HTR3B: variants seen among roughly 807,000 people sequenced by gnomAD.
HTR3B encodes 5-hydroxytryptamine (serotonin) receptor 3B, ionotropic.
HTR3B carries 44 observed loss-of-function variants against 42.8 expected under a neutral mutation model. The observed-to-expected ratio is 1.03, with a 90% CI of 0.81 to 1.32. The LOEUF (loss-of-function observed/expected upper bound fraction) is 1.32, where lower values mean the gene tolerates loss of function less well. Among genes scored for constraint, HTR3B ranks in the 40% most tolerant of loss-of-function variants. The pLI is 0.00. For missense variants in HTR3B, 527 were observed against 536.5 expected (o/e 0.98, Z 0.17); for synonymous variants, 203 against 209.0 (o/e 0.97, Z 0.25).
upstream of HTR3B, among the ~76,000 whole-genome samples, chr11:113,900,712 C>T (rs141285869): frequency 6.7e-3 from 1,016 of 152,092 alleles, 12 homozygotes; most frequent in African/African-American, 0.024. Flanking sequence ...AGGCTGGTCT[C>T]GAACTCCTGA....
chr11:113,915,769 T>C (rs1949845595), intron 2 of HTR3B, among the ~76,000 whole-genome samples: 1 of 152,270 alleles, frequency 6.6e-6, no homozygotes, highest in African/African-American at 2.4e-5. Flanking sequence ...GTTATCATTT[T>C]GCATGTCACT....
the HTR3B span, among the ~76,000 whole-genome samples, chr11:113,899,113 A>C: frequency 6.6e-6 from 1 of 152,164 alleles, no homozygotes; most frequent in Non-Finnish European, 1.5e-5. Context: ...CTGGGACCTT[A>C]TATCTTATGC....
chr11:113,933,079 C>A lies in HTR3B; in HGVS notation c.682C>A (p.Gln228Lys), dbSNP rs775803211. ...ILQSSAGGFA[Q>K]IQFNVVMRRH... is the part of the protein sequence containing the mutation. ...GCAGAGCAGCGCTGGAGGATTTGCA[C>A]AGATTCAGTTTAATGTAGGTTCTTT... Residue 228 changes from glutamine (Q) to lysine (K), a missense_variant, in exon 6 of 9, where the codon CAG becomes AAG. Physicochemically the swap from Gln to Lys is moderately conservative, Grantham distance 53. Coordinates refer to ENST00000260191, the MANE Select transcript of HTR3B (RefSeq NM_006028.5). The A allele has an allele frequency of 1.7e-5, 27 of 1,613,764 alleles. No homozygotes were observed. The Admixed American group carries it at 4.0e-4, about 24-fold the overall frequency.
chr11:113,920,468 C>T (rs746604788), intron 2 of HTR3B, among the ~76,000 whole-genome samples: 2 of 151,928 alleles, frequency 1.3e-5, no homozygotes, highest in African/African-American at 4.8e-5. Context: ...CTCCGCCTCC[C>T]GGGTTCAAAC....
chr11:113,940,658 C>T (rs1367790758), intron 6 of HTR3B, among the ~76,000 whole-genome samples: 1 of 152,214 alleles, frequency 6.6e-6, no homozygotes, highest in Admixed American at 6.5e-5. Context: ...CAACAATCTG[C>T]CAAACAACTC....
In HTR3B at chr11:113,944,392, T is replaced by A. The variant is rs182887223; in HGVS notation, c.908-181T>A. ...GGTGTGTGCCTGTAGTCCCAGCTATTCAGGAGGGTGAGGAGGGAGAATCAC... is the reference window on the plus strand; with the variant it reads ...GGTGTGTGCCTGTAGTCCCAGCTATACAGGAGGGTGAGGAGGGAGAATCAC... On this transcript the variant is annotated intron_variant, in intron 7 of 8. Transcript: ENST00000260191. 2.2e-4 allele frequency among the ~76,000 whole-genome samples: 33 copies of A among 152,156 alleles called. No homozygotes were observed. The East Asian group carries it at 6.4e-3, about 30-fold the overall frequency.
intron 2 of HTR3B, among the ~76,000 whole-genome samples, chr11:113,919,271 T>C (rs1375449651): frequency 6.6e-6 from 1 of 152,184 alleles, no homozygotes. Flanking sequence ...CTTACAACAG[T>C]AAAATTCCAT....
In HTR3B at chr11:113,946,175, GGAGA is replaced by G. The variant is rs745921648; in HGVS notation, c.*44_*47del. On this transcript the variant is annotated 3_prime_UTR_variant, in exon 9 of 9. Transcript: ENST00000260191. ...TCTTCAGTAATTGTGCTGGCACTTA[GGAGA>G]GAGAGGAGGGGGAATAATAGTGGGT... is the stretch of plus-strand genomic sequence containing the variant. 1 of 1,482,146 alleles carries G rather than the reference GGAGA, an allele frequency of 6.7e-7. No homozygotes were observed. The allele number at this position is 1,482,146 out of a possible 1,614,324, so 91.8% of individuals were successfully genotyped here.
At chr11:113,910,816 A>G (rs1176673961) in intron 2 of HTR3B, among the ~76,000 whole-genome samples, 2 of 147,714 alleles carry the variant, frequency 1.4e-5, no homozygotes, top group Non-Finnish European at 3.0e-5. Flanking sequence ...TTTACTTCTC[A>G]AAAATTGTTT....
intron 2 of HTR3B, among the ~76,000 whole-genome samples, chr11:113,912,923 A>G (rs543285962): frequency 5.1e-4 from 77 of 150,774 alleles, no homozygotes; most frequent in African/African-American, 1.8e-3. Flanking sequence ...TTATAGATTT[A>G]TAGGAGCTAT....
At chr11:113,923,059 A>C (rs1341660135) in intron 2 of HTR3B, among the ~76,000 whole-genome samples, 1 of 152,154 alleles carries the variant, frequency 6.6e-6, no homozygotes, top group African/African-American at 2.4e-5. Context: ...CAATTCTAGG[A>C]TTATCTTTAC....
Position 113,944,702 on chromosome 11 carries a change from C to T in HTR3B, c.1037C>T (p.Thr346Ile), listed in dbSNP as rs1199930234. The change falls in exon 8 of 9, where the codon ACC becomes ATC. Residue 346 changes from threonine (T) to isoleucine (I), a missense_variant. Transcript: ENST00000260191. ...EQPFLCLRGDTDADRPRVEPR... is the reference protein window; with the variant it reads ...EQPFLCLRGDIDADRPRVEPR... ...CCCTTCTTGTGCCTTCGAGGGGACA[C>T]CGATGCTGACAGGCCTAGAGTGGAA... 2.5e-6 allele frequency: 4 copies of T among 1,614,036 alleles called. No homozygotes were observed. Among genetic ancestry groups the T allele is most frequent in the Middle Eastern group, 1.6e-4 (1 of 6,084 alleles).
intron 2 of HTR3B, among the ~76,000 whole-genome samples, chr11:113,925,381 G>A (rs1949959093): frequency 1.4e-5 from 2 of 147,542 alleles, no homozygotes; most frequent in South Asian, 2.2e-4. Flanking sequence ...CTTGAGCTTT[G>A]AACCTAAATC....
rs1445487954 is a variant in HTR3B, at chr11:113,947,316, T to C, written c.*1179T>C. Among the ~76,000 whole-genome samples the C allele has an allele frequency of 6.6e-6, 1 of 152,152 alleles. No individual in the cohort carries two copies. The highest frequency in any genetic ancestry group is 1.5e-5 in the Non-Finnish European group (1 of 68,028). On this transcript the variant is annotated 3_prime_UTR_variant, in exon 9 of 9. Transcript: ENST00000260191. The stretch of plus-strand genomic sequence containing the variant: ...GGTGCCAAGGCTTCTAAGCCCAGTC[T>C]AGCACATCATTTAGTCCACACACAA...
At chr11:113,942,413 C>T (rs1478648205) in intron 6 of HTR3B, among the ~76,000 whole-genome samples, 2 of 152,106 alleles carry the variant, frequency 1.3e-5, no homozygotes, top group African/African-American at 4.8e-5. Context: ...GAGCTGAGAT[C>T]GCGCCATTGC....
intron 2 of HTR3B, among the ~76,000 whole-genome samples, chr11:113,912,272 C>T (rs1742594203): frequency 6.6e-6 from 1 of 151,484 alleles, no homozygotes. Context: ...TTTTTGAGAC[C>T]TTGCTCTGTT....
chr11:113,899,362 A>G, the HTR3B span, among the ~76,000 whole-genome samples: 1 of 152,148 alleles, frequency 6.6e-6, no homozygotes, highest in Non-Finnish European at 1.5e-5. Context: ...AGTAACAGAA[A>G]TTTCATATGG....
At chr11:113,930,834 T>A (rs1187748537) in intron 2 of HTR3B, among the ~76,000 whole-genome samples, 1 of 152,102 alleles carries the variant, frequency 6.6e-6, no homozygotes, top group East Asian at 1.9e-4. Flanking sequence ...TTTAAAAATT[T>A]TATGGACTCA....
intron 1 of HTR3B, among the ~76,000 whole-genome samples, chr11:113,908,516 A>G (rs768674494): frequency 5.3e-5 from 8 of 152,216 alleles, no homozygotes; most frequent in Middle Eastern, 3.2e-3. Flanking sequence ...TGAACAAAAT[A>G]TCTTTTTGCA....
Sources: allele counts gnomAD v4.1 joint callset (sites outside exome capture counted in the v4.1 genomes callset), GRCh38; gene constraint gnomAD v4.1.1; transcripts MANE v1.5; gene names NCBI Gene and HGNC (gene_info 2026-07-23, HGNC 2026-07-21).